The following COA8 variants were observed in gnomAD, a reference collection of about 807,000 sequenced individuals.
COA8 encodes cytochrome c oxidase assembly factor 8, also known as UPF0671 protein C14orf153.
Under a neutral mutation model 22.0 loss-of-function variants are expected in COA8, and 20 were observed. The ratio of observed to expected loss-of-function variants is 0.91; its 90% CI spans 0.64 to 1.32. The LOEUF (loss-of-function observed/expected upper bound fraction) is 1.32, where lower values mean the gene tolerates loss of function less well. Ranked by LOEUF, COA8 falls within the 40% of genes most tolerant of loss-of-function variation. COA8 has a pLI of 0.00. For missense variants in COA8, 266 were observed against 230.0 expected (o/e 1.16, Z -1.01); for synonymous variants, 105 against 79.9 (o/e 1.31, Z -1.68).
intron 3 of COA8, chr14:103,574,613 A>G: frequency 2.8e-6 from 1 of 353,474 alleles, no homozygotes; most frequent in South Asian, 2.2e-5. Flanking sequence ...TCTGATAGAA[A>G]ATCCAAAATC....
chr14:103,570,859 A>C (rs1296331154), intron 1 of COA8, among the ~76,000 whole-genome samples: 1 of 152,160 alleles, frequency 6.6e-6, no homozygotes, highest in African/African-American at 2.4e-5. Context: ...GAAGGGGTGG[A>C]GGTGGCTAGG....
intron 3 of COA8, among the ~76,000 whole-genome samples, chr14:103,575,564 C>T (rs1203429875): frequency 6.6e-6 from 1 of 152,048 alleles, no homozygotes; most frequent in Non-Finnish European, 1.5e-5. Flanking sequence ...GATGTAGGTC[C>T]CCAAGAGCCA....
At chr14:103,564,409 G>A (rs1175685060) in intron 1 of COA8, among the ~76,000 whole-genome samples, 2 of 152,036 alleles carry the variant, frequency 1.3e-5, no homozygotes, top group Non-Finnish European at 2.9e-5. Context: ...TCTTTGGGCA[G>A]AAAGATAGAG....
In COA8 at chr14:103,563,074, C is replaced by G. The variant is rs1228637397; in HGVS notation, c.73C>G (p.Gln25Glu). 1.3e-6 allele frequency: 2 copies of G among 1,541,050 alleles called. No homozygotes were observed. The highest frequency in any genetic ancestry group is 3.9e-5 in the Admixed American group (2 of 51,598). The change falls in exon 1 of 5, where the codon CAA (glutamine) becomes GAA (glutamate). Residue 25 changes from glutamine to glutamate, a missense_variant. Gln to Glu is a conservative substitution (Grantham distance 29). Transcript: ENST00000409074. ...CCGCGCCTTCGCCTGCCGCGGCTGT[C>G]AACTCGCTCCGGAGCGCGGCGCCGA... ...LCRAFACRGCQLAPERGAERR... is the reference protein window; with the variant it reads ...LCRAFACRGCELAPERGAERR...
chr14:103,565,940 G>T (rs2076132509), intron 1 of COA8, among the ~76,000 whole-genome samples: 1 of 152,074 alleles, frequency 6.6e-6, no homozygotes, highest in South Asian at 2.1e-4. Context: ...CTTCAAAAAT[G>T]AGCTGTAGGG....
Position 103,590,435 on chromosome 14 carries a change from T to TC in COA8, c.*151dup. On this transcript the variant is annotated 3_prime_UTR_variant, in exon 5 of 5. Transcript: ENST00000409074. ...ATGGCCTGTTTGGGGGCAGGGTAGG[T>TC]CCTGGGGCACTGTGGGCCGCCTGCC... The TC allele has an allele frequency of 1.5e-6, 1 of 668,292 alleles. No homozygotes were observed. Among genetic ancestry groups the TC allele is most frequent in the Non-Finnish European group, 2.5e-6 (1 of 400,694 alleles). The allele number at this position is 668,292 out of a possible 1,614,324, so 41.4% of individuals were successfully genotyped here. A position where few individuals can be genotyped will look rare whatever the true frequency, so the allele number is the denominator to read the frequency against.
intron 3 of COA8, among the ~76,000 whole-genome samples, chr14:103,582,671 T>C (rs2076276952): frequency 6.6e-6 from 1 of 151,490 alleles, no homozygotes; most frequent in South Asian, 2.1e-4. Flanking sequence ...TCGTAATCAC[T>C]TGTGAAGAAA....
chr14:103,571,672 C>G lies in COA8; in HGVS notation c.173C>G (p.Pro58Arg), dbSNP rs1595139243. The G allele has an allele frequency of 1.9e-6, 3 of 1,614,096 alleles. No individual in the cohort carries two copies. The East Asian group carries it at 6.7e-5, about 36-fold the overall frequency. Residue 58 changes from proline (P) to arginine (R), a missense_variant, in exon 2 of 5, where the codon CCC becomes CGC. Coordinates refer to ENST00000409074, the MANE Select transcript of COA8 (RefSeq NM_001370595.2). ...AAGTCTTGCCATGATTGGATAGGAC[C>G]CCCAGATAAATATTCAAACCTTCGA... ...PRKSCHDWIG[P>R]PDKYSNLRPV...
rs771091466 is a variant in COA8 at position 103,571,786 on chromosome 14, A to C, written c.287A>C (p.Gln96Pro). 3 of 1,614,148 alleles carry C rather than the reference A, an allele frequency of 1.9e-6. No homozygotes were observed. The highest frequency in any genetic ancestry group is 1.1e-5 in the South Asian group (1 of 91,082). Residue 96 changes from glutamine (Q) to proline (P), a missense_variant, in exon 2 of 5, where the codon CAG becomes CCG. By Grantham distance (76) the Gln-to-Pro change is moderately conservative. Coordinates refer to ENST00000409074, the MANE Select transcript of COA8 (RefSeq NM_001370595.2). ...CAAGAAACACAAGAATGGAATCAAC[A>C]GTTCTGGGCAAACCAGAATTTGACT... ...LRQETQEWNQ[Q>P]FWANQNLTFS... is the part of the protein sequence containing the mutation.
In COA8 at chr14:103,581,779, C is replaced by G. The variant is rs1318391573; in HGVS notation, c.386-5495C>G. The G allele has an allele frequency of 2.5e-6, 1 of 394,626 alleles. No individual in the cohort carries two copies. The highest frequency in any genetic ancestry group is 3.6e-5 in the East Asian group (1 of 27,890). The allele number at this position is 394,626 out of a possible 1,614,324, so 24.4% of individuals were successfully genotyped here. A position where few individuals can be genotyped will look rare whatever the true frequency, so the allele number is the denominator to read the frequency against. On this transcript the variant is annotated intron_variant, in intron 3 of 4. Transcript: ENST00000409074. The surrounding 1 kb of genome is among the most constrained non-coding windows in gnomAD (Gnocchi z 4.1). ...TAAACTGTTCTTCATTCCGGTGGCA[C>G]TAGACCTGCCCGGGCGGCCAGAGGA...
intron 1 of COA8, chr14:103,563,328 C>G: frequency 1.3e-6 from 1 of 743,174 alleles, no homozygotes; most frequent in Non-Finnish European, 2.4e-6. Context: ...CCGCCGCCAC[C>G]ACGCCGGGGA....
chr14:103,568,568 TAC>T (rs1466204052), intron 1 of COA8, among the ~76,000 whole-genome samples: 1 of 110,380 alleles, frequency 9.1e-6, no homozygotes, highest in Non-Finnish European at 2.0e-5. Context: ...CACACATATA[TAC>T]GTGTGTGTGT....
At chr14:103,587,489 CTTTT>C in intron 4 of COA8, 125 bp downstream of exon 4, 1 of 410,076 alleles carries the variant, frequency 2.4e-6, no homozygotes, top group Non-Finnish European at 4.3e-6. Flanking sequence ...ACTTTATCAA[CTTTT>C]TTTTTTCTTT....
At chr14:103,568,329 G>A (rs1333066767) in intron 1 of COA8, among the ~76,000 whole-genome samples, 1 of 152,118 alleles carries the variant, frequency 6.6e-6, no homozygotes, top group Admixed American at 6.6e-5. Context: ...AGTAAAAGCA[G>A]AGGGGGCTGG....
intron 4 of COA8, 67 bp downstream of exon 4, chr14:103,587,431 C>A: frequency 9.9e-7 from 1 of 1,014,834 alleles, no homozygotes; most frequent in Non-Finnish European, 1.5e-6. Context: ...TGTTTTCTTA[C>A]CTGAATTTAA....
intron 1 of COA8, among the ~76,000 whole-genome samples, chr14:103,567,716 C>T (rs761736307): frequency 1.3e-5 from 2 of 152,128 alleles, no homozygotes; most frequent in Non-Finnish European, 2.9e-5. Flanking sequence ...ATTGTCTAAT[C>T]ATCTTTAGAC....
intron 2 of COA8, among the ~76,000 whole-genome samples, chr14:103,573,416 C>T (rs1438323604): frequency 3.9e-5 from 6 of 152,246 alleles, no homozygotes; most frequent in Admixed American, 2.0e-4. Context: ...GGTGATTCGC[C>T]TGCCTTGGCC....
chr14:103,573,095 C>T (rs1251807396), intron 2 of COA8, among the ~76,000 whole-genome samples: 1 of 151,998 alleles, frequency 6.6e-6, no homozygotes, highest in African/African-American at 2.4e-5. Flanking sequence ...ATTCAAAATT[C>T]TTAACAGGAT....
chr14:103,585,043 C>T (rs776697320), intron 3 of COA8, among the ~76,000 whole-genome samples: 1 of 152,064 alleles, frequency 6.6e-6, no homozygotes, highest in Non-Finnish European at 1.5e-5. Context: ...GAGGCTGAGG[C>T]AGGAGAATCG....
Sources: gnomAD v4.1 joint callset for allele counts (sites outside exome capture counted in the v4.1 genomes callset) on GRCh38, gnomAD v4.1.1 for gene constraint, Gnocchi (gnomAD v3.1) non-coding constraint, MANE v1.5 for transcripts, NCBI Gene and HGNC (gene_info 2026-07-23, HGNC 2026-07-21) for gene names.